Variants in FAM120C observed in about 807,000 individuals in gnomAD.
FAM120C encodes family with sequence similarity 120 member C.
FAM120C carries 14 observed loss-of-function variants against 71.2 expected under a neutral mutation model. The observed-to-expected ratio is 0.20, with a 90% CI of 0.13 to 0.31. The LOEUF (loss-of-function observed/expected upper bound fraction) is 0.31. FAM120C is among the 10% of genes least tolerant of loss of function. FAM120C has a pLI of 1.00. For missense variants in FAM120C, 500 were observed against 879.0 expected, an observed-to-expected ratio of 0.57 and a Z score of 5.45; for synonymous variants, 354 against 353.2, an observed-to-expected ratio of 1.00 and a Z score of -0.03.
Position 54,069,355 on chromosome X carries a change from A to C in FAM120C, c.*3678T>G, listed in dbSNP as rs2066700568. The C allele has an allele frequency of 9.0e-6, 1 of 110,732 alleles. No individual in the cohort carries two copies. Among genetic ancestry groups the C allele is most frequent in the South Asian group, 3.8e-4 (1 of 2,618 alleles). 9.1% of individuals were successfully genotyped at this position (110,732 alleles called of 1,213,427 possible). On this transcript the variant is annotated 3_prime_UTR_variant, in exon 16 of 16. Coordinates refer to ENST00000375180, the MANE Select transcript of FAM120C (RefSeq NM_017848.6). ...CACACCCCAAGCATATTTAGGAAATATGCACCAGGAAGTGAACAAGTATAA... is the reference window on the plus strand; with the variant it reads ...CACACCCCAAGCATATTTAGGAAATCTGCACCAGGAAGTGAACAAGTATAA...
intron 9 of FAM120C, among the ~76,000 whole-genome samples, chrX:54,128,906 A>C (rs1396103713): frequency 9.1e-6 from 1 of 110,351 alleles, no homozygotes; most frequent in African/African-American, 3.3e-5. Flanking sequence ...CCGATTTCTC[A>C]ATCTTTTCCC....
intron 1 of FAM120C, among the ~76,000 whole-genome samples, chrX:54,169,352 G>A (rs1196442544): frequency 9.0e-6 from 1 of 111,354 alleles, no homozygotes; most frequent in Non-Finnish European, 1.9e-5. Context: ...AAAGGAAACT[G>A]GAAAAGTGGG....
At chrX:54,113,320 C>T (rs782342955) in intron 10 of FAM120C, among the ~76,000 whole-genome samples, 2 of 108,149 alleles carry the variant, frequency 1.8e-5, no homozygotes, top group East Asian at 3.0e-4. Flanking sequence ...ATTAGCCGGG[C>T]GTGGTGGCGT....
At chrX:54,148,586 G>A (rs1330772771) in intron 4 of FAM120C, among the ~76,000 whole-genome samples, 2 of 111,998 alleles carry the variant, frequency 1.8e-5, no homozygotes, top group African/African-American at 6.5e-5. Flanking sequence ...GGCGGAGGCT[G>A]CAGTGAGCAG....
intron 9 of FAM120C, among the ~76,000 whole-genome samples, chrX:54,129,022 G>A (rs2067044491): frequency 9.2e-6 from 1 of 108,268 alleles, no homozygotes; most frequent in African/African-American, 3.4e-5. Flanking sequence ...CGGGCAGAGG[G>A]GCTCCTCACT....
intron 15 of FAM120C, among the ~76,000 whole-genome samples, chrX:54,079,201 C>G (rs1557121012): frequency 9.8e-6 from 1 of 101,820 alleles, no homozygotes; most frequent in African/African-American, 3.6e-5. Context: ...GGCGGAGCTC[C>G]CAGTGAGCCG....
At chrX:54,131,764 CTTTT>C (rs1159999310) in intron 9 of FAM120C, among the ~76,000 whole-genome samples, 6 of 101,192 alleles carry the variant, frequency 5.9e-5, no homozygotes, top group African/African-American at 2.4e-4. Context: ...TTCTTTCTTT[CTTTT>C]TTTTTTTTTT....
chrX:54,117,485 A>T (rs1392645002), intron 9 of FAM120C, among the ~76,000 whole-genome samples: 1 of 108,372 alleles, frequency 9.2e-6, no homozygotes, highest in Admixed American at 1.0e-4. Flanking sequence ...ACTTGAGGTC[A>T]GGAGTTCAAG....
intron 9 of FAM120C, among the ~76,000 whole-genome samples, chrX:54,126,427 C>T (rs782217781): frequency 1.8e-5 from 2 of 111,884 alleles, no homozygotes; most frequent in African/African-American, 3.2e-5. Flanking sequence ...GCCAAACCCA[C>T]GTATATAGAG....
intron 1 of FAM120C, among the ~76,000 whole-genome samples, chrX:54,181,165 A>G (rs782733297): frequency 9.0e-6 from 1 of 110,661 alleles, no homozygotes; most frequent in South Asian, 3.9e-4. Context: ...CAAGCTCTAT[A>G]ACCACTGCAA....
rs782408067 is a variant in FAM120C, at chrX:54,178,796, G to A, written c.699+3704C>T. Among the ~76,000 whole-genome samples, 24 of 111,710 alleles carry A rather than the reference G, an allele frequency of 2.1e-4. 1 individual carries two copies. In the East Asian group the frequency reaches 4.2e-3, roughly 20 times the overall value. Reference sequence around the variant, plus strand: ...ATTCTAGAGAACCAAAGCACAAAATGGTATCTGTTCTCAAAGTCTGGTTAT... The same window carrying A: ...ATTCTAGAGAACCAAAGCACAAAATAGTATCTGTTCTCAAAGTCTGGTTAT... On this transcript the variant is annotated intron_variant, in intron 1 of 15. Coordinates refer to ENST00000375180, the MANE Select transcript of FAM120C (RefSeq NM_017848.6).
At chrX:54,166,150 T>C (rs1038369987) in intron 1 of FAM120C, among the ~76,000 whole-genome samples, 3 of 111,311 alleles carry the variant, frequency 2.7e-5, no homozygotes, top group African/African-American at 9.8e-5. Context: ...TTTAAGCATA[T>C]AAAAAGATGA....
rs1557128098 is a variant in FAM120C, at chrX:54,127,048, T to C, written c.2062+5644A>G. 2.7e-5 allele frequency among the ~76,000 whole-genome samples: 3 copies of C among 111,835 alleles called. No individual in the cohort carries two copies. The East Asian group carries it at 8.5e-4, about 32-fold the overall frequency. On this transcript the variant is annotated intron_variant, in intron 9 of 15. Coordinates refer to ENST00000375180, the MANE Select transcript of FAM120C (RefSeq NM_017848.6). ...GGTATGCAGATGGCTGTCTTCTCAT[T>C]GTATCCTCATATAGTGGAGAGTAGA...
chrX:54,182,431 G>T (rs782441987), intron 1 of FAM120C, 69 bp downstream of exon 1: 7 of 1,100,768 alleles, frequency 6.4e-6, no homozygotes, highest in Non-Finnish European at 7.2e-6. Context: ...AAGTGGGTAG[G>T]TGGTTAGGTA....
chrX:54,135,279 C>T (rs1557130334), intron 6 of FAM120C, among the ~76,000 whole-genome samples, 168 bp from the exon 7 acceptor site: 1 of 111,951 alleles, frequency 8.9e-6, no homozygotes, highest in African/African-American at 3.2e-5. Flanking sequence ...CCTCCACAGA[C>T]AGGACAATGA....
chrX:54,089,582 G>A (rs1035952911), intron 11 of FAM120C, among the ~76,000 whole-genome samples: 7 of 111,560 alleles, frequency 6.3e-5, no homozygotes, highest in Admixed American at 2.9e-4. Flanking sequence ...CTTACTTTGG[G>A]TGCTCAAAGG....
At chrX:54,147,210 A>C (rs1557132488) in intron 4 of FAM120C, among the ~76,000 whole-genome samples, 1 of 110,765 alleles carries the variant, frequency 9.0e-6, no homozygotes, top group Non-Finnish European at 1.9e-5. Context: ...CCAGCTACTC[A>C]GGAGGCTGAG....
intron 13 of FAM120C, among the ~76,000 whole-genome samples, chrX:54,082,878 G>T (rs948124737): frequency 9.1e-6 from 1 of 109,440 alleles, no homozygotes; most frequent in Admixed American, 9.9e-5. Context: ...AGCACTTTGG[G>T]AGGCCAAGGT....
intron 15 of FAM120C, among the ~76,000 whole-genome samples, chrX:54,077,929 A>T (rs1292717523): frequency 1.0e-5 from 1 of 96,604 alleles, no homozygotes; most frequent in Non-Finnish European, 2.1e-5. Flanking sequence ...GAGATCCAAT[A>T]AGATCTACTC....
Sources: allele counts gnomAD v4.1 joint callset (sites outside exome capture counted in the v4.1 genomes callset), GRCh38; gene constraint gnomAD v4.1.1; transcripts MANE v1.5; gene names NCBI Gene and HGNC (gene_info 2026-07-23, HGNC 2026-07-21).